The following RYK variants were observed in gnomAD, a reference collection of about 807,000 sequenced individuals.
RYK encodes inactive tyrosine-protein kinase RYK.
A neutral mutation model predicts 70.2 loss-of-function variants in RYK; 21 were observed. The ratio of observed to expected loss-of-function variants is 0.30; its 90% confidence interval spans 0.21 to 0.43. The LOEUF (loss-of-function observed/expected upper bound fraction) is 0.43. Among genes scored for constraint, RYK ranks in the 20% least tolerant of loss-of-function variants. The pLI, the probability that RYK is intolerant of heterozygous loss-of-function variation, is 1.00. For missense variants in RYK, 604 were observed against 753.3 expected, an observed-to-expected ratio of 0.80 and a Z score of 2.32; for synonymous variants, 267 against 278.0, an observed-to-expected ratio of 0.96 and a Z score of 0.39.
chr3:134,174,178 G>C (rs1376817636), intron 13 of RYK, among the ~76,000 whole-genome samples: 7 of 152,190 alleles, frequency 4.6e-5, no homozygotes, highest in Non-Finnish European at 1.0e-4. Context: ...AGCTGAAAGA[G>C]GCAAGGACTG....
chr3:134,245,092 T>TTACA (rs2015427834), intron 1 of RYK, among the ~76,000 whole-genome samples: 1 of 152,184 alleles, frequency 6.6e-6, no homozygotes, highest in South Asian at 2.1e-4. Context: ...TGGTACTTTG[T>TTACA]TACAGCAGCC....
intron 1 of RYK, among the ~76,000 whole-genome samples, chr3:134,240,999 G>A (rs2015307624): frequency 6.6e-6 from 1 of 152,072 alleles, no homozygotes; most frequent in African/African-American, 2.4e-5. Flanking sequence ...AATTCTGAAA[G>A]TTGTGACAAA....
intron 1 of RYK, among the ~76,000 whole-genome samples, chr3:134,244,461 C>T (rs1310893368): frequency 1.3e-5 from 2 of 152,196 alleles, no homozygotes; most frequent in Non-Finnish European, 2.9e-5. Context: ...GAATTCAGGT[C>T]TCAGGCAGGA....
intron 13 of RYK, among the ~76,000 whole-genome samples, chr3:134,165,662 T>A (rs2012641203): frequency 6.6e-6 from 1 of 152,184 alleles, no homozygotes; most frequent in East Asian, 1.9e-4. Flanking sequence ...AGAGATGATG[T>A]TCCCACCCCA....
chr3:134,159,463 C>G (rs1035386701), intron 13 of RYK, 90 bp from the exon 14 acceptor site: 12 of 1,238,172 alleles, frequency 9.7e-6, no homozygotes, highest in Non-Finnish European at 1.3e-5. Flanking sequence ...CAAAAAATAA[C>G]AGCTCAACTC....
intron 1 of RYK, among the ~76,000 whole-genome samples, chr3:134,234,132 T>C (rs1340715290): frequency 6.6e-6 from 1 of 152,124 alleles, no homozygotes; most frequent in Non-Finnish European, 1.5e-5. Flanking sequence ...ACAATAAAAG[T>C]GTTCAAAAAC....
At chr3:134,182,111 C>T (rs1018430979) in intron 10 of RYK, among the ~76,000 whole-genome samples, 4 of 150,692 alleles carry the variant, frequency 2.7e-5, no homozygotes, top group African/African-American at 9.8e-5. Flanking sequence ...GCCAAGATCA[C>T]ACCACTGCAC....
chr3:134,191,815 A>G, intron 8 of RYK, 34 bp downstream of exon 8: 1 of 1,566,458 alleles, frequency 6.4e-7, no homozygotes, highest in Admixed American at 1.9e-5. Flanking sequence ...ACATTAAATC[A>G]TACTTAAAAA....
intron 1 of RYK, among the ~76,000 whole-genome samples, chr3:134,226,890 A>G (rs1399297394): frequency 6.6e-6 from 1 of 152,154 alleles, no homozygotes; most frequent in Non-Finnish European, 1.5e-5. Context: ...TATTCCTAAG[A>G]TCAGAAACAA....
intron 2 of RYK, among the ~76,000 whole-genome samples, chr3:134,216,661 C>T (rs187705226): frequency 1.7e-4 from 25 of 151,512 alleles, no homozygotes; most frequent in Non-Finnish European, 2.5e-4. Context: ...GGCATGGTAG[C>T]GGGCGCCTGT....
chr3:134,246,341 CACAG>C (rs1326784695), intron 1 of RYK, among the ~76,000 whole-genome samples: 97 of 130,334 alleles, frequency 7.4e-4, no homozygotes, highest in African/African-American at 2.3e-3. Flanking sequence ...CACACACACA[CACAG>C]AGAGAGAGAA....
chr3:134,217,716 A>G (rs1459979169), intron 2 of RYK, among the ~76,000 whole-genome samples: 1 of 152,246 alleles, frequency 6.6e-6, no homozygotes, highest in Non-Finnish European at 1.5e-5. Flanking sequence ...GACAATAATC[A>G]GGCAACAGTG....
intron 2 of RYK, among the ~76,000 whole-genome samples, chr3:134,222,174 G>C (rs796856850): frequency 1.8e-4 from 28 of 152,274 alleles, no homozygotes; most frequent in African/African-American, 5.8e-4. Context: ...GAGCCTAAAA[G>C]GATGTTAAGT....
intron 10 of RYK, chr3:134,180,244 T>G (rs1041101920): frequency 6.6e-6 from 1 of 152,176 alleles, no homozygotes; most frequent in African/African-American, 2.4e-5. Context: ...AAGAGTACTT[T>G]GATGTGAAGC....
intron 1 of RYK, among the ~76,000 whole-genome samples, chr3:134,225,743 A>C (rs1230063554): frequency 6.6e-6 from 1 of 152,084 alleles, no homozygotes; most frequent in African/African-American, 2.4e-5. Context: ...TGTAGTACTA[A>C]CTACTCAGGA....
chr3:134,229,697 T>G (rs2015007216), intron 1 of RYK, among the ~76,000 whole-genome samples: 1 of 152,058 alleles, frequency 6.6e-6, no homozygotes. Flanking sequence ...ATGATTTGTT[T>G]CTAGAATATA....
chr3:134,208,779 G>A (rs1327358345), intron 4 of RYK, among the ~76,000 whole-genome samples: 2 of 152,206 alleles, frequency 1.3e-5, no homozygotes, highest in Non-Finnish European at 2.9e-5. Flanking sequence ...TAGATTCTCT[G>A]AAGCTCAGCT....
intron 1 of RYK, among the ~76,000 whole-genome samples, chr3:134,233,750 T>G (rs974929907): frequency 1.3e-5 from 2 of 152,100 alleles, no homozygotes; most frequent in African/African-American, 4.8e-5. Context: ...AATGACCAAA[T>G]AAGTGACTAA....
chr3:134,175,485 G>A, intron 13 of RYK, 124 bp downstream of exon 13: 1 of 1,137,590 alleles, frequency 8.8e-7, no homozygotes, highest in Non-Finnish European at 1.3e-6. Flanking sequence ...CTTGCTTTCT[G>A]GATAAAAATT....
Sources: gnomAD v4.1 joint callset for allele counts (sites outside exome capture counted in the v4.1 genomes callset) on GRCh38, gnomAD v4.1.1 for gene constraint, MANE v1.5 for transcripts, NCBI Gene and HGNC (gene_info 2026-07-23, HGNC 2026-07-21) for gene names.